Variants in CYP7B1 observed in about 807,000 individuals in gnomAD.
CYP7B1 encodes the protein cytochrome P450 family 7 subfamily B member 1.
Under a neutral mutation model 42.7 loss-of-function variants are expected in CYP7B1, and 29 were observed. The observed-to-expected ratio is 0.68, with a 90% CI of 0.51 to 0.93. The LOEUF (loss-of-function observed/expected upper bound fraction) is 0.93, where lower values mean the gene tolerates loss of function less well. Among genes scored for constraint, CYP7B1 ranks in the 40% least tolerant of loss-of-function variants. The probability of loss-of-function intolerance (pLI) is 0.00; values close to 1 mark genes in which losing one functional copy is unlikely to be tolerated. For synonymous variants in CYP7B1, 235 were observed against 218.2 expected (o/e 1.08, Z -0.68); for missense variants, 655 against 600.5 (o/e 1.09, Z -0.95).
At chr8:64,718,378 T>C (rs1807188908) in intron 1 of CYP7B1, among the ~76,000 whole-genome samples, 1 of 152,200 alleles carries the variant, frequency 6.6e-6, no homozygotes, top group African/African-American at 2.4e-5. Context: ...CTCACACCTG[T>C]AATCCCAGTA....
chr8:64,697,939 A>G (rs1462162318), intron 1 of CYP7B1, among the ~76,000 whole-genome samples: 1 of 152,236 alleles, frequency 6.6e-6, no homozygotes, highest in Non-Finnish European at 1.5e-5. Flanking sequence ...CAGGGCTCAC[A>G]TAGACCAGAT....
chr8:64,684,762 T>C (rs1005232382), intron 1 of CYP7B1, among the ~76,000 whole-genome samples: 1 of 152,082 alleles, frequency 6.6e-6, no homozygotes, highest in Non-Finnish European at 1.5e-5. Context: ...AAATGCACAA[T>C]GATATGAAAT....
intron 1 of CYP7B1, among the ~76,000 whole-genome samples, chr8:64,738,972 AC>A (rs1254950451): frequency 6.6e-6 from 1 of 152,188 alleles, no homozygotes; most frequent in Non-Finnish European, 1.5e-5. Context: ...ACCTCCAGGA[AC>A]CCTGCCATGT....
Position 64,591,068 on chromosome 8 carries a change from A to C in CYP7B1, c.*5574T>G, listed in dbSNP as rs952540020. 5.3e-5 allele frequency among the ~76,000 whole-genome samples: 8 copies of C among 152,152 alleles called. No homozygotes were observed. The highest frequency in any genetic ancestry group is 1.0e-4 in the Non-Finnish European group (7 of 67,988). On this transcript the variant is annotated 3_prime_UTR_variant, in exon 6 of 6. Coordinates refer to ENST00000310193, the MANE Select transcript of CYP7B1 (RefSeq NM_004820.5). ...CACTCCTCCTTCTAAAAATATTTTAAAACATAAGTATTGACAAATTATAAC... is the reference window on the plus strand; with the variant it reads ...CACTCCTCCTTCTAAAAATATTTTACAACATAAGTATTGACAAATTATAAC...
chr8:64,731,130 T>C (rs911930489), intron 1 of CYP7B1, among the ~76,000 whole-genome samples: 2 of 152,142 alleles, frequency 1.3e-5, no homozygotes, highest in Admixed American at 6.5e-5. Context: ...CTCCGGTATG[T>C]CTTTATTAGC....
intron 1 of CYP7B1, among the ~76,000 whole-genome samples, chr8:64,697,942 GACCAGATATTTTCA>G (rs1563395915): frequency 6.6e-6 from 1 of 152,160 alleles, no homozygotes; most frequent in South Asian, 2.1e-4. Flanking sequence ...GGCTCACATA[GACCAGATATTTTCA>G]CAGACTGGAC....
intron 1 of CYP7B1, among the ~76,000 whole-genome samples, chr8:64,651,491 T>A (rs534645774): frequency 2.6e-5 from 4 of 152,356 alleles, no homozygotes; most frequent in Admixed American, 2.6e-4. Flanking sequence ...CTACTCAATG[T>A]GTAATCTTGG....
rs543579778 is a variant in CYP7B1, at chr8:64,776,522, A to G, written c.122+21944T>C. Among the ~76,000 whole-genome samples the G allele has an allele frequency of 9.3e-4, 141 of 152,252 alleles. 1 individual carries two copies. The South Asian group carries it at 0.029, about 31-fold the overall frequency. On this transcript the variant is annotated intron_variant, in intron 1 of 5. Transcript: ENST00000310193. ...AAATACTTTTAAACCCTCTTGCCCT[A>G]TCATATAAACACAGTACTTGAGACA...
At chr8:64,736,792 C>T (rs1213873077) in intron 1 of CYP7B1, among the ~76,000 whole-genome samples, 2 of 151,998 alleles carry the variant, frequency 1.3e-5, no homozygotes, top group Non-Finnish European at 2.9e-5. Context: ...ATTTTATTTT[C>T]TTGCTCTCTT....
chr8:64,637,298 T>C (rs1260500983), intron 1 of CYP7B1, among the ~76,000 whole-genome samples: 11 of 152,210 alleles, frequency 7.2e-5, no homozygotes. Flanking sequence ...TGAGGCCCCA[T>C]ATGCTATACC....
At chr8:64,700,712 A>G (rs1806903007) in intron 1 of CYP7B1, among the ~76,000 whole-genome samples, 1 of 152,134 alleles carries the variant, frequency 6.6e-6, no homozygotes, top group Non-Finnish European at 1.5e-5. Context: ...CATGGTTCAG[A>G]AAGAACAAAG....
At chr8:64,619,737 A>G (rs543873629) in intron 2 of CYP7B1, among the ~76,000 whole-genome samples, 1 of 152,326 alleles carries the variant, frequency 6.6e-6, no homozygotes, top group Admixed American at 6.5e-5. Context: ...GTAAAGCTAC[A>G]TAATTCAAAG....
At chr8:64,704,238 T>G (rs1806959583) in intron 1 of CYP7B1, among the ~76,000 whole-genome samples, 1 of 152,210 alleles carries the variant, frequency 6.6e-6, no homozygotes, top group East Asian at 1.9e-4. Flanking sequence ...GTCAGCTGAC[T>G]TCATTGTATG....
chr8:64,690,326 C>T (rs1051636839), intron 1 of CYP7B1, among the ~76,000 whole-genome samples: 2 of 152,156 alleles, frequency 1.3e-5, no homozygotes, highest in Non-Finnish European at 2.9e-5. Flanking sequence ...TCGATTGACC[C>T]TGGGAGGTTG....
Position 64,592,330 on chromosome 8 carries a change from T to C in CYP7B1, c.*4312A>G, listed in dbSNP as rs1805049323. On this transcript the variant is annotated 3_prime_UTR_variant, in exon 6 of 6. Coordinates refer to ENST00000310193, the MANE Select transcript of CYP7B1 (RefSeq NM_004820.5). ...TATTGTGTATAATTATACATAGTGA[T>C]TTCTCATTACAGACCATTACTTTGG... Among the ~76,000 whole-genome samples the C allele has an allele frequency of 6.6e-6, 1 of 152,232 alleles. No individual in the cohort carries two copies. Among genetic ancestry groups the C allele is most frequent in the African/African-American group, 2.4e-5 (1 of 41,464 alleles).
At chr8:64,778,334 G>GT (rs1804361974) in intron 1 of CYP7B1, among the ~76,000 whole-genome samples, 1 of 151,812 alleles carries the variant, frequency 6.6e-6, no homozygotes, top group Admixed American at 6.6e-5. Context: ...TAAGGACAAA[G>GT]TTTTGCATTC....
At chr8:64,729,999 T>C (rs1177980515) in intron 1 of CYP7B1, among the ~76,000 whole-genome samples, 1 of 152,178 alleles carries the variant, frequency 6.6e-6, no homozygotes, top group Admixed American at 6.6e-5. Context: ...CTTCTATATA[T>C]GTTTGATTCT....
intron 1 of CYP7B1, among the ~76,000 whole-genome samples, chr8:64,798,246 A>G (rs1804736893): frequency 1.3e-5 from 2 of 152,268 alleles, no homozygotes; most frequent in African/African-American, 4.8e-5. Flanking sequence ...TGGAGCAGCA[A>G]ATGGAATTCG....
chr8:64,650,343 A>G (rs1431426960), intron 1 of CYP7B1, among the ~76,000 whole-genome samples: 1 of 152,228 alleles, frequency 6.6e-6, no homozygotes, highest in Non-Finnish European at 1.5e-5. Context: ...TAGATCAGTC[A>G]TATATAGAAA....
Sources: gnomAD v4.1 joint callset for allele counts (sites outside exome capture counted in the v4.1 genomes callset) on GRCh38, gnomAD v4.1.1 for gene constraint, MANE v1.5 for transcripts, NCBI Gene and HGNC (gene_info 2026-07-23, HGNC 2026-07-21) for gene names.